The following WARS1 variants were observed in gnomAD, a reference collection of about 807,000 sequenced individuals.
WARS1 encodes the protein tryptophanyl-tRNA synthetase 1, also known as tryptophan--tRNA ligase, cytoplasmic.
In WARS1, 17 loss-of-function variants were observed where a neutral mutation model predicts 47.8. The observed-to-expected ratio is 0.36, with a 90% CI of 0.24 to 0.53. The LOEUF (loss-of-function observed/expected upper bound fraction) is 0.53. Ranked by LOEUF, WARS1 falls within the 20% of genes least tolerant of loss-of-function variation. The probability of loss-of-function intolerance (pLI) is 0.91; values close to 1 mark genes in which losing one functional copy is unlikely to be tolerated. For missense variants in WARS1, 434 were observed against 608.0 expected, an observed-to-expected ratio of 0.71 and a Z score of 3.01; for synonymous variants, 208 against 228.1, an observed-to-expected ratio of 0.91 and a Z score of 0.79.
chr14:100,337,372 A>C (rs527493061), intron 9 of WARS1, among the ~76,000 whole-genome samples, 170 bp from the exon 10 acceptor site: 1 of 152,242 alleles, frequency 6.6e-6, no homozygotes, highest in African/African-American at 2.4e-5. Context: ...TGGGGGACCC[A>C]CTGCTGTTCT....
intron 2 of WARS1, among the ~76,000 whole-genome samples, chr14:100,362,543 A>C (rs1236877549): frequency 1.3e-5 from 2 of 152,130 alleles, no homozygotes; most frequent in Non-Finnish European, 2.9e-5. Flanking sequence ...GAAAAAAAAA[A>C]AACAAAGGTA....
At chr14:100,364,667 T>G (rs1457530593) in intron 2 of WARS1, among the ~76,000 whole-genome samples, 1 of 152,206 alleles carries the variant, frequency 6.6e-6, no homozygotes, top group African/African-American at 2.4e-5. Context: ...AATAATACAC[T>G]TGGAAGAGTT....
chr14:100,365,945 C>A (rs2146105), intron 2 of WARS1: 2 of 448,448 alleles, frequency 4.5e-6, no homozygotes, highest in East Asian at 7.0e-5. Context: ...AGTGACCTTG[C>A]GCACTTACAG....
intron 4 of WARS1, among the ~76,000 whole-genome samples, chr14:100,356,533 A>G (rs1895336395): frequency 6.6e-6 from 1 of 152,208 alleles, no homozygotes; most frequent in Admixed American, 6.5e-5. Context: ...GTATACCAAT[A>G]CATTAGATAA....
chr14:100,339,368 G>T (rs1227644371), intron 9 of WARS1, among the ~76,000 whole-genome samples: 3 of 152,076 alleles, frequency 2.0e-5, no homozygotes, highest in Non-Finnish European at 4.4e-5. Flanking sequence ...AAGGCGGGCA[G>T]ATTACGAGGT....
chr14:100,365,169 T>C (rs1257032709), intron 2 of WARS1, among the ~76,000 whole-genome samples: 1 of 113,472 alleles, frequency 8.8e-6, no homozygotes, highest in African/African-American at 3.3e-5. Flanking sequence ...ACACAAATAA[T>C]GATTTAAATC....
intron 3 of WARS1, 97 bp from the exon 4 acceptor site, chr14:100,360,759 T>C: frequency 1.1e-6 from 1 of 884,450 alleles, no homozygotes; most frequent in Non-Finnish European, 1.8e-6. Context: ...CCATGCACAA[T>C]CTTAATGAAC....
chr14:100,344,951 G>C (rs1473833828), intron 7 of WARS1, among the ~76,000 whole-genome samples: 1 of 151,076 alleles, frequency 6.6e-6, no homozygotes, highest in East Asian at 2.0e-4. Flanking sequence ...GGAGGGAGGT[G>C]GGGGGTCAGC....
chr14:100,341,421 G>T (rs926049468), intron 9 of WARS1, among the ~76,000 whole-genome samples: 1 of 152,154 alleles, frequency 6.6e-6, no homozygotes, highest in Non-Finnish European at 1.5e-5. Flanking sequence ...GATATGAAAG[G>T]CTTCCCCATT....
At chr14:100,346,670 G>T (rs1325889612) in intron 7 of WARS1, 76 bp downstream of exon 7, 3 of 1,179,326 alleles carry the variant, frequency 2.5e-6, no homozygotes, top group Non-Finnish European at 2.5e-6. Context: ...TTTAAACCAG[G>T]CATGTGTCTC....
At chr14:100,363,717 A>G (rs1895788717) in intron 2 of WARS1, among the ~76,000 whole-genome samples, 1 of 152,006 alleles carries the variant, frequency 6.6e-6, no homozygotes, top group African/African-American at 2.4e-5. Flanking sequence ...CCAGAACATC[A>G]GTTTTTTTTA....
Position 100,360,569 on chromosome 14 carries a change from ATG to A in WARS1, c.405_406del (p.Ile136LeufsTer12). 6.2e-7 allele frequency: 1 copy of A among 1,613,116 alleles called. No homozygotes were observed. The highest frequency in any genetic ancestry group is 8.5e-7 in the Non-Finnish European group (1 of 1,179,246). On this transcript the variant is annotated frameshift_variant, in exon 4 of 11. Transcript: ENST00000392882. LOFTEE classifies it high-confidence loss of function. ...AGCCCCTGACCTGTGTGAGAAGAAG[ATG>A]CCTCTGCGCAGGAAGTGGTGTGGTC...
At chr14:100,348,994 C>T (rs913835592) in intron 6 of WARS1, among the ~76,000 whole-genome samples, 25 of 152,214 alleles carry the variant, frequency 1.6e-4, no homozygotes, top group African/African-American at 4.8e-4. Context: ...GGACCCATCA[C>T]GCAAAGCAGC....
rs1453941705 is a variant in WARS1 at position 100,346,856 on chromosome 14, C to G, written c.726-10G>C. On this transcript the variant is annotated splice_polypyrimidine_tract_variant and intron_variant, in intron 6 of 10. Transcript: ENST00000392882. ...GAAACCTGAGCTCATCCTGCAAAGA[C>G]AACGAGAATGAAATCCCAAACGGAG... The G allele has an allele frequency of 1.2e-6, 2 of 1,609,696 alleles. No homozygotes were observed. The highest frequency in any genetic ancestry group is 1.7e-5 in the Admixed American group (1 of 59,994).
chr14:100,351,954 C>G (rs1444184047), intron 6 of WARS1, among the ~76,000 whole-genome samples: 1 of 150,532 alleles, frequency 6.6e-6, no homozygotes, highest in African/African-American at 2.4e-5. Flanking sequence ...GATTGTGCCA[C>G]TGCACTCCAG....
intron 4 of WARS1, among the ~76,000 whole-genome samples, chr14:100,356,404 G>A (rs1038352185): frequency 6.7e-6 from 1 of 149,334 alleles, no homozygotes; most frequent in African/African-American, 2.4e-5. Context: ...TGTGTGGGGG[G>A]GGGTGTGGAA....
chr14:100,354,009 T>G (rs1895160673), intron 5 of WARS1, 140 bp from the exon 6 acceptor site: 2 of 740,566 alleles, frequency 2.7e-6, no homozygotes, highest in African/African-American at 3.5e-5. Flanking sequence ...AATTGTGATA[T>G]GAATTTGACT....
chr14:100,351,804 T>TAA (rs1407689833), intron 6 of WARS1, among the ~76,000 whole-genome samples: 2 of 152,014 alleles, frequency 1.3e-5, no homozygotes, highest in Non-Finnish European at 2.9e-5. Flanking sequence ...CCATCCTGGC[T>TAA]AACACAGTGA....
chr14:100,348,984 G>T (rs967448475), intron 6 of WARS1, among the ~76,000 whole-genome samples: 4 of 152,200 alleles, frequency 2.6e-5, no homozygotes, highest in Non-Finnish European at 5.9e-5. Context: ...CAGCTGGGAC[G>T]GACCCATCAC....
Sources: allele counts gnomAD v4.1 joint callset (sites outside exome capture counted in the v4.1 genomes callset), GRCh38; gene constraint gnomAD v4.1.1; transcripts MANE v1.5; gene names NCBI Gene and HGNC (gene_info 2026-07-23, HGNC 2026-07-21).